The following NRXN1 variants were observed in gnomAD, a reference collection of about 807,000 sequenced individuals.
NRXN1 encodes neurexin-1.
NRXN1 carries 39 observed loss-of-function variants against 150.9 expected under a neutral mutation model. That is an observed-to-expected ratio of 0.26 (90% confidence interval 0.20 to 0.34). The LOEUF (loss-of-function observed/expected upper bound fraction) is 0.34. Ranked by LOEUF, NRXN1 falls within the 10% of genes least tolerant of loss-of-function variation. The probability of loss-of-function intolerance (pLI) is 1.00; values close to 1 mark genes in which losing one functional copy is unlikely to be tolerated. For synonymous variants in NRXN1, 924 were observed against 757.0 expected (o/e 1.22, Z -3.62); for missense variants, 1,815 against 1,949.9 (o/e 0.93, Z 1.30).
intron 5 of NRXN1, among the ~76,000 whole-genome samples, chr2:50,905,519 T>G (rs529118147): frequency 6.6e-6 from 1 of 152,146 alleles, no homozygotes; most frequent in East Asian, 1.9e-4. Flanking sequence ...ATTCCAAACC[T>G]CCCTTGCAGC....
chr2:50,790,409 C>G (rs1705774305), intron 5 of NRXN1, among the ~76,000 whole-genome samples: 2 of 152,074 alleles, frequency 1.3e-5, no homozygotes, highest in Non-Finnish European at 2.9e-5. Flanking sequence ...CCAAAACAAC[C>G]CAACAGCCAT....
intron 19 of NRXN1, among the ~76,000 whole-genome samples, chr2:50,075,758 C>G (rs1338595307): frequency 1.3e-5 from 2 of 149,702 alleles, no homozygotes; most frequent in African/African-American, 2.5e-5. Flanking sequence ...ATAGCTTAAG[C>G]AAAAGGCTTG....
intron 22 of NRXN1, among the ~76,000 whole-genome samples, chr2:49,925,281 C>CAA (rs772838099): frequency 3.2e-4 from 26 of 81,004 alleles, no homozygotes; most frequent in Admixed American, 4.3e-4. Context: ...CTGCCTCAAC[C>CAA]AAAAAAAAAA....
chr2:49,967,454 A>G (rs1677154486), intron 21 of NRXN1, among the ~76,000 whole-genome samples: 1 of 152,104 alleles, frequency 6.6e-6, no homozygotes, highest in Non-Finnish European at 1.5e-5. Context: ...AACCACAACC[A>G]AAACAAGCAA....
chr2:50,895,590 T>C (rs1681816010), intron 5 of NRXN1, among the ~76,000 whole-genome samples: 1 of 151,834 alleles, frequency 6.6e-6, no homozygotes, highest in South Asian at 2.1e-4. Context: ...TGTTTGTCTT[T>C]TTTTTTTGAG....
intron 9 of NRXN1, among the ~76,000 whole-genome samples, chr2:50,548,730 A>G (rs1057182822): frequency 1.3e-5 from 2 of 152,014 alleles, no homozygotes; most frequent in Non-Finnish European, 2.9e-5. Context: ...AAAGTGGGTA[A>G]TATTAAAATT....
At position 49,919,816 on chromosome 2, in the gene NRXN1, T is replaced by C. The variant is rs1558498762; in HGVS notation, c.*2128A>G. 1 of 152,196 alleles carries C rather than the reference T, an allele frequency of 6.6e-6. No homozygotes were observed. Among genetic ancestry groups the C allele is most frequent in the African/African-American group, 2.4e-5 (1 of 41,468 alleles). 9.4% of individuals were successfully genotyped at this position (152,196 alleles called of 1,614,324 possible). On this transcript the variant is annotated 3_prime_UTR_variant, in exon 23 of 23. Transcript: ENST00000401669. Reference sequence around the variant, plus strand: ...ACAACAATTACTTGGCAACCATAGATAGTGGTGATTTGCTATGAATTATAC... The same window carrying C: ...ACAACAATTACTTGGCAACCATAGACAGTGGTGATTTGCTATGAATTATAC...
chr2:50,299,768 C>T (rs1164026565), intron 17 of NRXN1, among the ~76,000 whole-genome samples: 1 of 152,136 alleles, frequency 6.6e-6, no homozygotes, highest in East Asian at 1.9e-4. Flanking sequence ...ATCTTGGTTC[C>T]AGTCCTTTCG....
chr2:50,255,977 G>T (rs930624871), intron 17 of NRXN1, among the ~76,000 whole-genome samples: 3 of 151,980 alleles, frequency 2.0e-5, no homozygotes, highest in Non-Finnish European at 4.4e-5. Flanking sequence ...ATGACTTTTG[G>T]GTAGATGCTA....
intron 17 of NRXN1, among the ~76,000 whole-genome samples, chr2:50,363,434 T>C (rs1262369690): frequency 6.6e-6 from 1 of 152,036 alleles, no homozygotes; most frequent in Non-Finnish European, 1.5e-5. Flanking sequence ...GGGCAAAGGA[T>C]ATGAACAGAC....
chr2:50,023,679 G>A (rs962945182), intron 21 of NRXN1: 1 of 151,920 alleles, frequency 6.6e-6, no homozygotes, highest in Non-Finnish European at 1.5e-5. Flanking sequence ...AATTCACTTC[G>A]GGGCCGAATA....
At chr2:50,971,788 T>C (rs1474047150) in intron 2 of NRXN1, among the ~76,000 whole-genome samples, 1 of 152,080 alleles carries the variant, frequency 6.6e-6, no homozygotes, top group East Asian at 1.9e-4. Flanking sequence ...TAAAAATTTT[T>C]TTCATTAAAA....
intron 18 of NRXN1, among the ~76,000 whole-genome samples, chr2:50,215,685 T>A (rs6545157): frequency 0.39 from 58,875 of 151,854 alleles, 13,261 homozygotes; most frequent in African/African-American, 0.62. Context: ...GCTATTAACT[T>A]TAAAACAATA....
At chr2:50,829,559 C>G in intron 5 of NRXN1, 1 of 1,611,996 alleles carries the variant, frequency 6.2e-7, no homozygotes, top group Non-Finnish European at 8.5e-7. Context: ...GAGGGGTTTT[C>G]TTAAACTGAA....
At chr2:51,011,037 G>T (rs1464387622) in intron 2 of NRXN1, among the ~76,000 whole-genome samples, 1 of 152,012 alleles carries the variant, frequency 6.6e-6, no homozygotes, top group Admixed American at 6.6e-5. Context: ...GCCTCCCAAA[G>T]TGCTGAGATT....
At chr2:50,761,569 A>G (rs1701808286) in intron 5 of NRXN1, among the ~76,000 whole-genome samples, 1 of 151,890 alleles carries the variant, frequency 6.6e-6, no homozygotes, top group Non-Finnish European at 1.5e-5. Context: ...AGACTTGGGT[A>G]TTTCTTCATA....
chr2:50,230,860 G>C (rs1458112227), intron 18 of NRXN1, among the ~76,000 whole-genome samples: 1 of 151,984 alleles, frequency 6.6e-6, no homozygotes, highest in African/African-American at 2.4e-5. Flanking sequence ...TAGCACTTAA[G>C]CCAATAGAAA....
chr2:50,347,076 C>A lies in NRXN1; in HGVS notation c.3365-110106G>T. 1 of 1,383,256 alleles carries A rather than the reference C, an allele frequency of 7.2e-7. No individual in the cohort carries two copies. The highest frequency in any genetic ancestry group is 4.2e-5 in the East Asian group (1 of 23,656). The allele number at this position is 1,383,256 out of a possible 1,614,324, so 85.7% of individuals were successfully genotyped here. A position where few individuals can be genotyped will look rare whatever the true frequency, so the allele number is the denominator to read the frequency against. ...GGCCGGCCGCCTCACCGCGCCAGGG[C>A]ACCCATCCTCTCCCTCCTTCGGACA... On this transcript the variant is annotated intron_variant, in intron 17 of 22. Transcript: ENST00000401669. The surrounding 1 kb of genome is among the most constrained non-coding windows in gnomAD (Gnocchi z 4.9).
At chr2:50,357,027 A>C (rs1348137580) in intron 17 of NRXN1, among the ~76,000 whole-genome samples, 2 of 152,158 alleles carry the variant, frequency 1.3e-5, no homozygotes, top group Non-Finnish European at 2.9e-5. Flanking sequence ...CTGAAATCTT[A>C]GCACTTTGGA....
Sources: allele counts gnomAD v4.1 joint callset (sites outside exome capture counted in the v4.1 genomes callset), GRCh38; gene constraint gnomAD v4.1.1; non-coding constraint Gnocchi (gnomAD v3.1); transcripts MANE v1.5; gene names NCBI Gene and HGNC (gene_info 2026-07-23, HGNC 2026-07-21).